The following TMEM131 variants were observed in gnomAD, a reference collection of about 807,000 sequenced individuals.
TMEM131 encodes the protein transmembrane protein 131.
Under a neutral mutation model 211.6 loss-of-function variants are expected in TMEM131, and 66 were observed. That is an observed-to-expected ratio of 0.31 (90% confidence interval 0.26 to 0.38). TMEM131 has a LOEUF of 0.38. TMEM131 is among the 10% of genes least tolerant of loss of function. The pLI, the probability that TMEM131 is intolerant of heterozygous loss-of-function variation, is 1.00. For synonymous variants in TMEM131, 844 were observed against 841.3 expected, an observed-to-expected ratio of 1.00 and a Z score of -0.06; for missense variants, 2,036 against 2,299.3, an observed-to-expected ratio of 0.89 and a Z score of 2.34.
chr2:97,887,527 G>A (rs916362064), intron 4 of TMEM131, among the ~76,000 whole-genome samples: 48 of 152,048 alleles, frequency 3.2e-4, no homozygotes, highest in African/African-American at 1.0e-3. Flanking sequence ...TTAGAGGCCC[G>A]GGGGTCTCTC....
intron 1 of TMEM131, among the ~76,000 whole-genome samples, chr2:97,993,138 A>C (rs1238311144): frequency 1.3e-5 from 2 of 152,276 alleles, no homozygotes; most frequent in Non-Finnish European, 2.9e-5. Context: ...TTTTGCAGTG[A>C]AATTATACAG....
intron 3 of TMEM131, among the ~76,000 whole-genome samples, chr2:97,894,940 T>C (rs985302272): frequency 2.6e-5 from 4 of 152,216 alleles, no homozygotes; most frequent in Non-Finnish European, 4.4e-5. Flanking sequence ...GGCATCCTTG[T>C]CTTGTGCCAG....
chr2:97,959,428 G>C (rs7598116), intron 1 of TMEM131, among the ~76,000 whole-genome samples: 114,243 of 152,080 alleles, frequency 0.75, 44,605 homozygotes, highest in African/African-American at 0.87. Context: ...TATTTTCTTG[G>C]CGCACCTTTT....
chr2:97,778,689 G>GA (rs1457896952), intron 31 of TMEM131, among the ~76,000 whole-genome samples: 1 of 152,154 alleles, frequency 6.6e-6, no homozygotes, highest in Non-Finnish European at 1.5e-5. Flanking sequence ...AGGCTGACAA[G>GA]AATCTCTAAC....
At chr2:97,954,148 G>A (rs913744514) in intron 1 of TMEM131, among the ~76,000 whole-genome samples, 5 of 152,054 alleles carry the variant, frequency 3.3e-5, no homozygotes, top group African/African-American at 1.2e-4. Context: ...CAAGTAGAAT[G>A]AAAATTATAA....
chr2:97,793,071 AC>A (rs1680581194), intron 30 of TMEM131, 87 bp from the exon 31 acceptor site: 2 of 985,560 alleles, frequency 2.0e-6, no homozygotes, highest in South Asian at 3.6e-5. Flanking sequence ...CAGTACAGCC[AC>A]CATAAATATA....
At chr2:97,831,396 T>C (rs1447916174) in intron 11 of TMEM131, among the ~76,000 whole-genome samples, 1 of 152,172 alleles carries the variant, frequency 6.6e-6, no homozygotes, top group Non-Finnish European at 1.5e-5. Context: ...GCATAGCAGC[T>C]AGCATACAGT....
chr2:97,983,692 T>A (rs1679903635), intron 1 of TMEM131, among the ~76,000 whole-genome samples: 1 of 152,226 alleles, frequency 6.6e-6, no homozygotes, highest in Non-Finnish European at 1.5e-5. Flanking sequence ...CTTTGATCAC[T>A]AGAAGCAGGG....
At position 97,978,273 on chromosome 2, in the gene TMEM131, C is replaced by T. The variant is rs1260087234; in HGVS notation, c.187+17203G>A. 8.5e-5 allele frequency among the ~76,000 whole-genome samples: 13 copies of T among 152,266 alleles called. No individual in the cohort carries two copies. In the South Asian group the frequency reaches 2.5e-3, roughly 29 times the overall value. The stretch of plus-strand genomic sequence containing the variant: ...TACTTTATCGACTAAGTTGATAATA[C>T]CCTGAATCCTTTGCTGCCATTTCAA... On this transcript the variant is annotated intron_variant, in intron 1 of 40. Coordinates refer to ENST00000186436, the MANE Select transcript of TMEM131 (RefSeq NM_015348.2).
At chr2:97,862,534 T>C (rs959170332) in intron 4 of TMEM131, among the ~76,000 whole-genome samples, 2 of 151,938 alleles carry the variant, frequency 1.3e-5, no homozygotes, top group Non-Finnish European at 2.9e-5. Flanking sequence ...ATACAGACGC[T>C]GAAATAATTA....
At chr2:97,813,062 C>T (rs187330958) in intron 15 of TMEM131, among the ~76,000 whole-genome samples, 189 of 152,002 alleles carry the variant, frequency 1.2e-3, no homozygotes, top group Non-Finnish European at 1.5e-3. Flanking sequence ...CACATTTATA[C>T]GACATAGTTG....
At chr2:97,772,957 ATTT>A (rs1333506467) in intron 32 of TMEM131, among the ~76,000 whole-genome samples, 2 of 152,232 alleles carry the variant, frequency 1.3e-5, no homozygotes, top group Non-Finnish European at 2.9e-5. Flanking sequence ...AAAGAACGTC[ATTT>A]TAATTTATAC....
At position 97,854,946 on chromosome 2, in the gene TMEM131, G is replaced by A. The variant is rs1055379223; in HGVS notation, c.483+4358C>T. Among the ~76,000 whole-genome samples, 92 of 152,208 alleles carry A rather than the reference G, an allele frequency of 6.0e-4. 1 individual carries two copies. Among genetic ancestry groups the A allele is most frequent in the African/African-American group, 2.2e-3 (90 of 41,506 alleles). On this transcript the variant is annotated intron_variant, in intron 5 of 40. Coordinates refer to ENST00000186436, the MANE Select transcript of TMEM131 (RefSeq NM_015348.2). ...CTTCCCTGTGCACACCTAAGTCTCTGATCTTATACTTTTCTTCTGACCTTG... is the reference window on the plus strand; with the variant it reads ...CTTCCCTGTGCACACCTAAGTCTCTAATCTTATACTTTTCTTCTGACCTTG...
In TMEM131 at chr2:97,760,614, A is replaced by C. The variant is rs368653296; in HGVS notation, c.5087T>G (p.Val1696Gly). The C allele has an allele frequency of 1.7e-4, 271 of 1,612,220 alleles. No individual in the cohort carries two copies. Among genetic ancestry groups the C allele is most frequent in the Non-Finnish European group, 2.1e-4 (248 of 1,179,134 alleles). The change falls in exon 38 of 41, where the codon GTT becomes GGT. Residue 1696 changes from valine to glycine, a missense_variant. Physicochemically the swap from Val to Gly is moderately radical, Grantham distance 109. Coordinates refer to ENST00000186436, the MANE Select transcript of TMEM131 (RefSeq NM_015348.2). ...GTACCTGTCTGAGCCATCGCTGTCAACAGGAGCGTGTGAAATGCCAAGGCT... is the reference window on the plus strand; with the variant it reads ...GTACCTGTCTGAGCCATCGCTGTCACCAGGAGCGTGTGAAATGCCAAGGCT... ...SSSLGISHAP[V>G]DSDGSDSSGL... is the part of the protein sequence containing the mutation.
intron 1 of TMEM131, among the ~76,000 whole-genome samples, chr2:97,969,544 A>G (rs566334992): frequency 4.6e-5 from 7 of 152,236 alleles, no homozygotes; most frequent in Non-Finnish European, 2.9e-5. Context: ...CTTCTTGGCT[A>G]TCTAAGAATG....
chr2:97,890,616 C>T (rs1675338852), intron 3 of TMEM131, among the ~76,000 whole-genome samples: 2 of 152,136 alleles, frequency 1.3e-5, no homozygotes, highest in Non-Finnish European at 2.9e-5. Context: ...TAAAAAGTTA[C>T]TAATTTTCAC....
intron 31 of TMEM131, among the ~76,000 whole-genome samples, chr2:97,782,699 TA>T (rs1384254199): frequency 3.3e-5 from 5 of 151,208 alleles, no homozygotes; most frequent in African/African-American, 4.9e-5. Flanking sequence ...GTAACTGAAA[TA>T]AAAAGCTCAC....
intron 5 of TMEM131, among the ~76,000 whole-genome samples, chr2:97,858,170 T>A (rs920465643): frequency 9.2e-5 from 14 of 152,128 alleles, no homozygotes; most frequent in African/African-American, 3.4e-4. Flanking sequence ...GCAACCAATA[T>A]CTTACATGGC....
intron 4 of TMEM131, among the ~76,000 whole-genome samples, chr2:97,868,401 T>C (rs1460285118): frequency 1.3e-5 from 2 of 152,240 alleles, no homozygotes; most frequent in Non-Finnish European, 2.9e-5. Flanking sequence ...TCTCGCTTTT[T>C]TATTCAATGT....
Sources: allele counts gnomAD v4.1 joint callset (sites outside exome capture counted in the v4.1 genomes callset), GRCh38; gene constraint gnomAD v4.1.1; transcripts MANE v1.5; gene names NCBI Gene and HGNC (gene_info 2026-07-23, HGNC 2026-07-21).